The following PADI4 variants were observed in gnomAD, a reference collection of about 807,000 sequenced individuals.
PADI4 encodes the protein peptidyl arginine deiminase 4, also known as protein-arginine deiminase type-4.
A neutral mutation model predicts 75.0 loss-of-function variants in PADI4; 62 were observed. The ratio of observed to expected loss-of-function variants is 0.83; its 90% CI spans 0.67 to 1.02. PADI4 has a LOEUF of 1.02. Among genes scored for constraint, PADI4 ranks in the 50% least tolerant of loss-of-function variants. The pLI is 0.00. For synonymous variants in PADI4, 361 were observed against 348.1 expected (o/e 1.04, Z -0.41); for missense variants, 845 against 850.5 (o/e 0.99, Z 0.08).
Position 17,341,925 on chromosome 1 carries a change from C to T in PADI4, c.653-18C>T. ...GAAGTGGGGACGCAGACCTGAGTCT[C>T]CCCTGCCTCTCTCCTAGGGGGCAAA... On this transcript the variant is annotated intron_variant, in intron 6 of 15. Coordinates refer to ENST00000375448, the MANE Select transcript of PADI4 (RefSeq NM_012387.3). 2 of 1,606,790 alleles carry T rather than the reference C, an allele frequency of 1.2e-6. No individual in the cohort carries two copies. The highest frequency in any genetic ancestry group is 8.5e-7 in the Non-Finnish European group (1 of 1,175,030).
intron 1 of PADI4, among the ~76,000 whole-genome samples, chr1:17,319,899 AG>A (rs1336962165): frequency 6.6e-6 from 1 of 152,198 alleles, no homozygotes; most frequent in Admixed American, 6.6e-5. Context: ...GTTAGGTTAC[AG>A]TTTACTATGT....
intron 2 of PADI4, among the ~76,000 whole-genome samples, chr1:17,332,311 A>G (rs993463059): frequency 2.6e-5 from 4 of 152,074 alleles, no homozygotes; most frequent in African/African-American, 9.7e-5. Context: ...CAGTGGTGCA[A>G]TCTCGGCTCA....
chr1:17,332,627 T>C (rs370510651), intron 2 of PADI4, among the ~76,000 whole-genome samples: 1 of 152,168 alleles, frequency 6.6e-6, no homozygotes, highest in South Asian at 2.1e-4. Context: ...GATTAGGATA[T>C]GGATGTATCT....
intron 2 of PADI4, among the ~76,000 whole-genome samples, chr1:17,332,048 G>A (rs1057330938): frequency 6.6e-6 from 1 of 152,202 alleles, no homozygotes; most frequent in Non-Finnish European, 1.5e-5. Context: ...GGCTCCAGGG[G>A]AGAATAATTA....
chr1:17,341,341 C>T (rs868402770), intron 6 of PADI4, among the ~76,000 whole-genome samples: 1 of 152,158 alleles, frequency 6.6e-6, no homozygotes, highest in South Asian at 2.1e-4. Flanking sequence ...CCTTGTGATC[C>T]TCCTGCCTCG....
chr1:17,329,812 C>G (rs1004021005), intron 1 of PADI4, among the ~76,000 whole-genome samples: 7 of 152,166 alleles, frequency 4.6e-5, no homozygotes, highest in African/African-American at 1.4e-4. Flanking sequence ...ATCCGACTTT[C>G]CTTTCTGAAT....
intron 1 of PADI4, among the ~76,000 whole-genome samples, chr1:17,327,224 C>T (rs1033878020): frequency 6.6e-6 from 1 of 151,962 alleles, no homozygotes; most frequent in East Asian, 1.9e-4. Flanking sequence ...TATGTTGAGG[C>T]TCTTATTAGA....
intron 4 of PADI4, among the ~76,000 whole-genome samples, chr1:17,337,159 T>G (rs1408320614): frequency 2.0e-5 from 3 of 152,000 alleles, no homozygotes; most frequent in African/African-American, 7.2e-5. Context: ...ATGTATTTAT[T>G]TATTTATTTA....
rs1171677283 is a variant in PADI4 at position 17,351,989 on chromosome 1, GGC to G, written c.1156-2543_1156-2542del. Among the ~76,000 whole-genome samples the G allele has an allele frequency of 2.8e-3, 81 of 29,406 alleles. 5 individuals are homozygous for G. Among genetic ancestry groups the G allele is most frequent in the African/African-American group, 0.025 (78 of 3,110 alleles). The allele number at this position is 29,406 out of a possible 152,430, so 19.3% of individuals were successfully genotyped here. A position where few individuals can be genotyped will look rare whatever the true frequency, so the allele number is the denominator to read the frequency against. On this transcript the variant is annotated intron_variant, in intron 10 of 15. Coordinates refer to ENST00000375448, the MANE Select transcript of PADI4 (RefSeq NM_012387.3). Reference sequence around the variant, plus strand: ...CGGCCAGGGAGGTGATGGGAGGAGAGGCAGTCAGGGAGGTGATGGGAGGAGAG... The same window carrying G: ...CGGCCAGGGAGGTGATGGGAGGAGAGAGTCAGGGAGGTGATGGGAGGAGAG...
chr1:17,355,952 C>G (rs376612747), intron 11 of PADI4, 31 bp from the exon 12 acceptor site: 2 of 1,613,704 alleles, frequency 1.2e-6, no homozygotes, highest in African/African-American at 2.7e-5. Context: ...CCCTTGCTGC[C>G]GATAACACCC....
chr1:17,317,754 C>T (rs1172950259), intron 1 of PADI4, among the ~76,000 whole-genome samples: 3 of 152,114 alleles, frequency 2.0e-5, no homozygotes, highest in Non-Finnish European at 4.4e-5. Flanking sequence ...GGCACTGTGG[C>T]TTGCGCCTGT....
intron 10 of PADI4, among the ~76,000 whole-genome samples, chr1:17,349,391 C>G (rs190276532): frequency 3.2e-4 from 49 of 152,278 alleles, no homozygotes; most frequent in African/African-American, 1.1e-3. Context: ...CTAAGCACAT[C>G]TGTGTATTCC....
Position 17,350,313 on chromosome 1 carries a change from G to A in PADI4, c.1155+2265G>A, listed in dbSNP as rs2074596854. Among the ~76,000 whole-genome samples the A allele has an allele frequency of 2.3e-5, 3 of 129,896 alleles. 1 individual carries two copies. Among genetic ancestry groups the A allele is most frequent in the African/African-American group, 7.5e-5 (3 of 40,058 alleles). The allele number at this position is 129,896 out of a possible 152,430, so 85.2% of individuals were successfully genotyped here. ...AAACCAGCAGCACTTCCTGCAGATA[G>A]AAGGCAACTGTGAAGTTAAACAGAA... is the stretch of plus-strand genomic sequence containing the variant. On this transcript the variant is annotated intron_variant, in intron 10 of 15. Coordinates refer to ENST00000375448, the MANE Select transcript of PADI4 (RefSeq NM_012387.3).
chr1:17,330,115 G>A (rs2074183064), intron 1 of PADI4, among the ~76,000 whole-genome samples: 1 of 152,158 alleles, frequency 6.6e-6, no homozygotes, highest in African/African-American at 2.4e-5. Flanking sequence ...ACCTCTGGGT[G>A]GACACACCCC....
At chr1:17,325,107 G>A (rs909960648) in intron 1 of PADI4, among the ~76,000 whole-genome samples, 5 of 152,210 alleles carry the variant, frequency 3.3e-5, no homozygotes, top group South Asian at 2.1e-4. Flanking sequence ...TGGATTTCTC[G>A]TGTAGATTTA....
At chr1:17,329,131 G>A (rs922218393) in intron 1 of PADI4, among the ~76,000 whole-genome samples, 18 of 149,410 alleles carry the variant, frequency 1.2e-4, no homozygotes, top group Admixed American at 4.0e-4. Context: ...ACGAGTGCAC[G>A]ATTCTAGGTT....
chr1:17,363,850 C>T lies in PADI4; in HGVS notation c.*95C>T, dbSNP rs1199316330. 12 of 835,550 alleles carry T rather than the reference C, an allele frequency of 1.4e-5. No homozygotes were observed. The highest frequency in any genetic ancestry group is 2.3e-4 in the Middle Eastern group (1 of 4,410). 51.8% of individuals were successfully genotyped at this position (835,550 alleles called of 1,614,324 possible). A position where few individuals can be genotyped will look rare whatever the true frequency, so the allele number is the denominator to read the frequency against. On this transcript the variant is annotated 3_prime_UTR_variant, in exon 16 of 16. Transcript: ENST00000375448. ...GAGCTCTTGTGAATATTGTGGCTCC[C>T]TGGGGGCGGCCAGCCCTCCCAGCAG...
intron 14 of PADI4, 32 bp from the exon 15 acceptor site, chr1:17,359,248 C>A: frequency 1.5e-6 from 1 of 653,768 alleles, no homozygotes; most frequent in Non-Finnish European, 2.5e-6. Context: ...TGCCATCAGT[C>A]CCCCACTCAC....
intron 1 of PADI4, among the ~76,000 whole-genome samples, chr1:17,330,107 C>T (rs866107942): frequency 6.6e-6 from 1 of 152,206 alleles, no homozygotes; most frequent in Admixed American, 6.5e-5. Context: ...TGGTGGAAAC[C>T]TCTGGGTGGA....
Sources: gnomAD v4.1 joint callset for allele counts (sites outside exome capture counted in the v4.1 genomes callset) on GRCh38, gnomAD v4.1.1 for gene constraint, MANE v1.5 for transcripts, NCBI Gene and HGNC (gene_info 2026-07-23, HGNC 2026-07-21) for gene names.